Variants in EFNA2 observed in about 807,000 individuals in gnomAD.
EFNA2 encodes the protein ephrin A2, also known as ephrin-A2.
Under a neutral mutation model 19.7 loss-of-function variants are expected in EFNA2, and 18 were observed. The observed-to-expected ratio is 0.91, with a 90% confidence interval of 0.63 to 1.35. The LOEUF is 1.35. Ranked by LOEUF, EFNA2 falls within the 40% of genes most tolerant of loss-of-function variation. The pLI is 0.00. For missense variants in EFNA2, 303 were observed against 296.0 expected, an observed-to-expected ratio of 1.02 and a Z score of -0.17; for synonymous variants, 187 against 137.8, an observed-to-expected ratio of 1.36 and a Z score of -2.50.
chr19:1,288,817 C>T (rs1382995496), intron 1 of EFNA2, among the ~76,000 whole-genome samples: 4 of 152,160 alleles, frequency 2.6e-5, no homozygotes, highest in African/African-American at 9.7e-5. Context: ...CCACTCCCAC[C>T]GGTGACTGCA....
intron 1 of EFNA2, among the ~76,000 whole-genome samples, chr19:1,293,133 C>A: frequency 6.6e-6 from 1 of 152,140 alleles, no homozygotes; most frequent in East Asian, 1.9e-4. Flanking sequence ...CAGTGGGGAG[C>A]CCAGACGCCC....
intron 3 of EFNA2, among the ~76,000 whole-genome samples, chr19:1,298,951 A>G (rs901528049): frequency 2.0e-5 from 3 of 151,112 alleles, no homozygotes; most frequent in African/African-American, 7.3e-5. Context: ...TCTCTAAAAA[A>G]CAAAGCAGGC....
Position 1,298,582 on chromosome 19 carries a change from C to T in EFNA2, c.486C>T (p.Pro162=), listed in dbSNP as rs2081526325. ...CGCCTCCCAATGCTGTGGACCGGCC[C>T]TGCCTGCGACTGAAGGTGTACGTGC... ...SATPPNAVDR[P]CLRLKVYVRP... The change falls in exon 3 of 4, where the codon CCC becomes CCT. Residue 162 remains proline, a synonymous_variant. Transcript: ENST00000215368. 6.2e-7 allele frequency: 1 copy of T among 1,613,966 alleles called. No individual in the cohort carries two copies. The highest frequency in any genetic ancestry group is 8.5e-7 in the Non-Finnish European group (1 of 1,180,016).
Position 1,295,871 on chromosome 19 carries a change from G to T in EFNA2, c.454+13G>T. ...TATTACTACATCTGTGAGTGGGGTC[G>T]GGCCGGGGCTGCCGGGGCCCGAGTG... On this transcript the variant is annotated intron_variant, in intron 2 of 3. Transcript: ENST00000215368. The surrounding 1 kb of genome is among the most constrained non-coding windows in gnomAD (Gnocchi z 5.8). The T allele has an allele frequency of 2.6e-6, 4 of 1,566,232 alleles. No individual in the cohort carries two copies. The highest frequency in any genetic ancestry group is 3.4e-6 in the Non-Finnish European group (4 of 1,163,870).
chr19:1,300,236 T>G lies in EFNA2; in HGVS notation c.*291T>G. On this transcript the variant is annotated 3_prime_UTR_variant, in exon 4 of 4. Coordinates refer to ENST00000215368, the MANE Select transcript of EFNA2 (RefSeq NM_001405.4). ...GGCGTCGGAGAACCCGGGAACCTCT[T>G]GGCGATTTTTTTTTTTTTTTTTTTT... 3 of 180,114 alleles carry G rather than the reference T, an allele frequency of 1.7e-5. No individual in the cohort carries two copies. Among genetic ancestry groups the G allele is most frequent in the Non-Finnish European group, 3.1e-5 (3 of 96,596 alleles). 11.2% of individuals were successfully genotyped at this position (180,114 alleles called of 1,614,324 possible).
In EFNA2 at chr19:1,295,546, T is replaced by C; in HGVS notation, c.142T>C (p.Phe48Leu). The C allele has an allele frequency of 6.3e-7, 1 of 1,589,942 alleles. No individual in the cohort carries two copies. The highest frequency in any genetic ancestry group is 2.3e-5 in the East Asian group (1 of 43,972). Residue 48 changes from phenylalanine (F) to leucine (L), a missense_variant and splice_region_variant, in exon 2 of 4, where the codon TTC (phenylalanine) becomes CTC (leucine). Phe to Leu is a conservative substitution (Grantham distance 22, BLOSUM62 0). Coordinates refer to ENST00000215368, the MANE Select transcript of EFNA2 (RefSeq NM_001405.4). This position sits in a 1 kb window ranked among gnomAD's most constrained non-coding sequence, Gnocchi z 5.8. ...CCTCTGGCCGCCTTGTCCCCGCAGG[T>C]TCCACGCAGGCGCGGGGGACGACGG... Reference protein sequence around the residue: ...AVYWNRSNPRFHAGAGDDGGG... With the variant: ...AVYWNRSNPRLHAGAGDDGGG...
rs752829995 is a variant in EFNA2, at chr19:1,298,525, A to C, written c.455-26A>C. ...CTCAGGCACCAAGAGGCACTTCCCCACTCATCCCCATCCCCTCTCTTCTAG... is the reference window on the plus strand; with the variant it reads ...CTCAGGCACCAAGAGGCACTTCCCCCCTCATCCCCATCCCCTCTCTTCTAG... On this transcript the variant is annotated intron_variant, in intron 2 of 3. Transcript: ENST00000215368. 5 of 1,612,310 alleles carry C rather than the reference A, an allele frequency of 3.1e-6. No individual in the cohort carries two copies. The South Asian group carries it at 5.5e-5, about 18-fold the overall frequency.
Position 1,286,216 on chromosome 19 carries a change from A to ACCGCTG in EFNA2, c.53_58dup (p.Leu18_Pro19dup). The ACCGCTG allele has an allele frequency of 1.3e-5, 14 of 1,106,208 alleles. No homozygotes were observed. Among genetic ancestry groups the ACCGCTG allele is most frequent in the Non-Finnish European group, 1.6e-5 (14 of 897,174 alleles). The allele number at this position is 1,106,208 out of a possible 1,614,324, so 68.5% of individuals were successfully genotyped here. On this transcript the variant is annotated inframe_insertion, in exon 1 of 4. Coordinates refer to ENST00000215368, the MANE Select transcript of EFNA2 (RefSeq NM_001405.4). This position sits in a 1 kb window ranked among gnomAD's most constrained non-coding sequence, Gnocchi z 5.6. ...TGCTCCCGCTGCTGCTCCTGCTGTT[A>ACCGCTG]CCGCTGCCGCCGCCGCCCTTCGCGC...
At chr19:1,290,294 G>C (rs1269646361) in intron 1 of EFNA2, among the ~76,000 whole-genome samples, 1 of 152,154 alleles carries the variant, frequency 6.6e-6, no homozygotes, top group Non-Finnish European at 1.5e-5. Flanking sequence ...GGTCTCTTTG[G>C]GTCTCTGTCT....
At chr19:1,298,198 A>G (rs2081524807) in intron 2 of EFNA2, among the ~76,000 whole-genome samples, 1 of 151,994 alleles carries the variant, frequency 6.6e-6, no homozygotes, top group Admixed American at 6.6e-5. Flanking sequence ...ACCCAGGTCA[A>G]TCATTTCACT....
rs983725660 is a variant in EFNA2, at chr19:1,295,108, G to A, written c.141-437G>A. Among the ~76,000 whole-genome samples, 1 of 152,132 alleles carries A rather than the reference G, an allele frequency of 6.6e-6. No individual in the cohort carries two copies. Among genetic ancestry groups the A allele is most frequent in the Non-Finnish European group, 1.5e-5 (1 of 67,992 alleles). Reference sequence around the variant, plus strand: ...GGAGGTGGGGGGCAGTGCCAGGCAAGAGATCGTGGGCTCCCAACCTTGGAA... The same window carrying A: ...GGAGGTGGGGGGCAGTGCCAGGCAAAAGATCGTGGGCTCCCAACCTTGGAA... On this transcript the variant is annotated intron_variant, in intron 1 of 3. Transcript: ENST00000215368. This position sits in a 1 kb window ranked among gnomAD's most constrained non-coding sequence, Gnocchi z 5.8.
At position 1,300,068 on chromosome 19, in the gene EFNA2, G is replaced by C; in HGVS notation, c.*123G>C. The C allele has an allele frequency of 7.5e-7, 1 of 1,331,242 alleles. No individual in the cohort carries two copies. Among genetic ancestry groups the C allele is most frequent in the Non-Finnish European group, 9.9e-7 (1 of 1,011,042 alleles). 82.5% of individuals were successfully genotyped at this position (1,331,242 alleles called of 1,614,324 possible). ...CAAATAGAGACGCTGCTTCTCCCTC[G>C]CCTGGTGCCGCCCCCGCCGGGCAGG... On this transcript the variant is annotated 3_prime_UTR_variant, in exon 4 of 4. Coordinates refer to ENST00000215368, the MANE Select transcript of EFNA2 (RefSeq NM_001405.4).
Position 1,286,051 on chromosome 19 carries a change from C to T in EFNA2, c.-118C>T. Reference sequence around the variant, plus strand: ...GGCCCGGGATCTCCAAGCGCCGCCGCGCCCTCCTCCCGCCCGCCCTCCGCC... The same window carrying T: ...GGCCCGGGATCTCCAAGCGCCGCCGTGCCCTCCTCCCGCCCGCCCTCCGCC... On this transcript the variant is annotated 5_prime_UTR_variant, in exon 1 of 4. Coordinates refer to ENST00000215368, the MANE Select transcript of EFNA2 (RefSeq NM_001405.4). This position sits in a 1 kb window ranked among gnomAD's most constrained non-coding sequence, Gnocchi z 5.6. 1 of 196,308 alleles carries T rather than the reference C, an allele frequency of 5.1e-6. No homozygotes were observed. Among genetic ancestry groups the T allele is most frequent in the Non-Finnish European group, 8.9e-6 (1 of 112,296 alleles). 12.2% of individuals were successfully genotyped at this position (196,308 alleles called of 1,614,324 possible).
At chr19:1,290,166 G>A (rs186781257) in intron 1 of EFNA2, among the ~76,000 whole-genome samples, 1 of 152,240 alleles carries the variant, frequency 6.6e-6, no homozygotes, top group African/African-American at 2.4e-5. Context: ...TGGTGTGGAT[G>A]GGCAAAGGCC....
rs1184008468 is a variant in EFNA2, at chr19:1,286,742, C to T, written c.140+434C>T. 6.6e-6 allele frequency among the ~76,000 whole-genome samples: 1 copy of T among 152,198 alleles called. No homozygotes were observed. Among genetic ancestry groups the T allele is most frequent in the Non-Finnish European group, 1.5e-5 (1 of 68,010 alleles). Reference sequence around the variant, plus strand: ...GGACCTTGGCACCGGAGGTGGGGGACTGTGGCCCTCGAGGGATCTCTGGGT... The same window carrying T: ...GGACCTTGGCACCGGAGGTGGGGGATTGTGGCCCTCGAGGGATCTCTGGGT... On this transcript the variant is annotated intron_variant, in intron 1 of 3. Transcript: ENST00000215368. The surrounding 1 kb of genome is among the most constrained non-coding windows in gnomAD (Gnocchi z 5.6).
chr19:1,299,711 C>G, intron 3 of EFNA2, 113 bp from the exon 4 acceptor site: 4 of 1,401,026 alleles, frequency 2.9e-6, no homozygotes, highest in Non-Finnish European at 2.8e-6. Context: ...AGAGGGCCTG[C>G]CTGGTGGGGT....
At position 1,295,433 on chromosome 19, in the gene EFNA2, C is replaced by T. The variant is rs1226492325; in HGVS notation, c.141-112C>T. Reference sequence around the variant, plus strand: ...CCTGACCCCGGCCCTCGCCGCGCACCCCGACCCGTCCCTCGTGCTCCTGTC... The same window carrying T: ...CCTGACCCCGGCCCTCGCCGCGCACTCCGACCCGTCCCTCGTGCTCCTGTC... On this transcript the variant is annotated intron_variant, in intron 1 of 3. Coordinates refer to ENST00000215368, the MANE Select transcript of EFNA2 (RefSeq NM_001405.4). The surrounding 1 kb of genome is among the most constrained non-coding windows in gnomAD (Gnocchi z 5.8). 13 of 1,188,412 alleles carry T rather than the reference C, an allele frequency of 1.1e-5. No individual in the cohort carries two copies. Among genetic ancestry groups the T allele is most frequent in the South Asian group, 5.1e-5 (3 of 58,738 alleles). 73.6% of individuals were successfully genotyped at this position (1,188,412 alleles called of 1,614,324 possible). A position where few individuals can be genotyped will look rare whatever the true frequency, so the allele number is the denominator to read the frequency against.
chr19:1,288,836 G>A (rs959686370), intron 1 of EFNA2, among the ~76,000 whole-genome samples: 7 of 152,170 alleles, frequency 4.6e-5, no homozygotes, highest in African/African-American at 1.4e-4. Flanking sequence ...CACAGCGTCC[G>A]TCCAACCCAC....
rs765096365 is a variant in EFNA2, at chr19:1,295,845, G to A, written c.441G>A (p.Glu147=). 1.9e-6 allele frequency: 3 copies of A among 1,586,582 alleles called. No homozygotes were observed. The highest frequency in any genetic ancestry group is 1.7e-6 in the Non-Finnish European group (2 of 1,167,018). ...GCTTCGAGTTCCGGCCCGGCCACGA[G>A]TATTACTACATCTGTGAGTGGGGTC... The part of the protein sequence containing the change: ...SLGFEFRPGH[E]YYYISATPPN... The change falls in exon 2 of 4, where the codon GAG becomes GAA. Residue 147 remains glutamate, a synonymous_variant. Transcript: ENST00000215368. The surrounding 1 kb of genome is among the most constrained non-coding windows in gnomAD (Gnocchi z 5.8).
Sources: allele counts gnomAD v4.1 joint callset (sites outside exome capture counted in the v4.1 genomes callset), GRCh38; gene constraint gnomAD v4.1.1; non-coding constraint Gnocchi (gnomAD v3.1); transcripts MANE v1.5; gene names NCBI Gene and HGNC (gene_info 2026-07-23, HGNC 2026-07-21).